CCDC34: variants seen among roughly 807,000 people sequenced by gnomAD.
CCDC34 encodes coiled-coil domain containing 34.
A neutral mutation model predicts 44.1 loss-of-function variants in CCDC34; 40 were observed. That is an observed-to-expected ratio of 0.91 (90% confidence interval 0.70 to 1.18). The LOEUF is 1.18. Among genes scored for constraint, CCDC34 ranks in the 50% most tolerant of loss-of-function variants. The probability of loss-of-function intolerance (pLI) is 0.00; values close to 1 mark genes in which losing one functional copy is unlikely to be tolerated. For synonymous variants in CCDC34, 159 were observed against 158.2 expected, an observed-to-expected ratio of 1.01 and a Z score of -0.04; for missense variants, 466 against 452.3, an observed-to-expected ratio of 1.03 and a Z score of -0.28.
intron 3 of CCDC34, among the ~76,000 whole-genome samples, chr11:27,347,814 G>C (rs2133342579): frequency 6.6e-6 from 1 of 152,084 alleles, no homozygotes; most frequent in South Asian, 2.1e-4. Flanking sequence ...TAATGGTGAT[G>C]GTTACATGGG....
chr11:27,345,080 G>T (rs1033626857), intron 3 of CCDC34, among the ~76,000 whole-genome samples: 1 of 152,238 alleles, frequency 6.6e-6, no homozygotes, highest in Non-Finnish European at 1.5e-5. Flanking sequence ...GCCAAAGGTA[G>T]TTTAATAGGG....
chr11:27,339,488 T>C (rs113130360), intron 5 of CCDC34, among the ~76,000 whole-genome samples: 372 of 152,300 alleles, frequency 2.4e-3, no homozygotes, highest in African/African-American at 8.7e-3. Context: ...TTGTTTAGAA[T>C]CACAGAAATT....
chr11:27,344,547 A>T (rs1407852035), intron 3 of CCDC34, among the ~76,000 whole-genome samples: 1 of 151,450 alleles, frequency 6.6e-6, no homozygotes, highest in Non-Finnish European at 1.5e-5. Context: ...GTAAATATAT[A>T]AAATATATAT....
chr11:27,355,865 T>C (rs1450522372), intron 2 of CCDC34, among the ~76,000 whole-genome samples: 1 of 152,160 alleles, frequency 6.6e-6, no homozygotes, highest in Non-Finnish European at 1.5e-5. Flanking sequence ...GCAGAATGTA[T>C]TAGTTTTCAT....
intron 2 of CCDC34, among the ~76,000 whole-genome samples, chr11:27,351,932 G>A (rs944558839): frequency 1.3e-5 from 2 of 152,142 alleles, no homozygotes; most frequent in African/African-American, 4.8e-5. Context: ...GACAGGCAAA[G>A]TAAAGTGAAC....
At chr11:27,342,750 A>G (rs1414019469) in intron 3 of CCDC34, among the ~76,000 whole-genome samples, 6 of 152,210 alleles carry the variant, frequency 3.9e-5, no homozygotes, top group Non-Finnish European at 7.3e-5. Context: ...AATATTCATT[A>G]ACTGGCCCTT....
rs746359107 is a variant in CCDC34, at chr11:27,350,411, TTTC to T, written c.524_526del (p.Arg175del). On this transcript the variant is annotated inframe_deletion, in exon 3 of 6. Transcript: ENST00000328697. ...TCTTTTTTCACGTTCTTCCATTTCT[TTTC>T]TTTTTTCTAGTTGTTGATTTAATTC... 3 of 1,609,180 alleles carry T rather than the reference TTTC, an allele frequency of 1.9e-6. No homozygotes were observed. The highest frequency in any genetic ancestry group is 2.5e-6 in the Non-Finnish European group (3 of 1,177,498).
At position 27,363,162 on chromosome 11, in the gene CCDC34, A is replaced by C. The variant is rs1376326645; in HGVS notation, c.33T>G (p.Phe11Leu). Reference sequence around the variant, plus strand: ...CAGAGAAACCGGCGTAGGAAGAGGGAAAAGTAGGCCCCCAGCGCCCCGCCG... The same window carrying C: ...CAGAGAAACCGGCGTAGGAAGAGGGCAAAGTAGGCCCCCAGCGCCCCGCCG... Reference protein sequence around the residue: MWAAGRWGPTFPSSYAGFSAD... With the variant: MWAAGRWGPTLPSSYAGFSAD... Residue 11 changes from phenylalanine to leucine, a missense_variant, in exon 1 of 6, where the codon TTT (phenylalanine) becomes TTG (leucine). Coordinates refer to ENST00000328697, the MANE Select transcript of CCDC34 (RefSeq NM_030771.2). 6 of 1,503,344 alleles carry C rather than the reference A, an allele frequency of 4.0e-6. No homozygotes were observed. Among genetic ancestry groups the C allele is most frequent in the Non-Finnish European group, 5.3e-6 (6 of 1,131,534 alleles). The allele number at this position is 1,503,344 out of a possible 1,614,324, so 93.1% of individuals were successfully genotyped here. A position where few individuals can be genotyped will look rare whatever the true frequency, so the allele number is the denominator to read the frequency against.
chr11:27,343,401 C>CAAAAAAAAAAA (rs34004808), intron 3 of CCDC34, among the ~76,000 whole-genome samples: 4 of 110,724 alleles, frequency 3.6e-5, no homozygotes, highest in African/African-American at 1.4e-4. Context: ...GACTCCGTCT[C>CAAAAAAAAAAA]AAAAAAAAAA....
In CCDC34 at chr11:27,350,392, T is replaced by G; in HGVS notation, c.546A>C (p.Glu182Asp). Reference protein sequence around the residue: ...LEKRKEMEEREKRKIIAEEKH... With the variant: ...LEKRKEMEERDKRKIIAEEKH... Reference sequence around the variant, plus strand: ...TTTCTTCAGCAATTATCTTTCTTTTTTCACGTTCTTCCATTTCTTTTCTTT... The same window carrying G: ...TTTCTTCAGCAATTATCTTTCTTTTGTCACGTTCTTCCATTTCTTTTCTTT... Residue 182 changes from glutamate to aspartate, a missense_variant, in exon 3 of 6, where the codon GAA (glutamate) becomes GAC (aspartate). By Grantham distance (45) the Glu-to-Asp change is conservative. Coordinates refer to ENST00000328697, the MANE Select transcript of CCDC34 (RefSeq NM_030771.2). 4 of 1,612,912 alleles carry G rather than the reference T, an allele frequency of 2.5e-6. No individual in the cohort carries two copies. Among genetic ancestry groups the G allele is most frequent in the Non-Finnish European group, 3.4e-6 (4 of 1,179,404 alleles).
At chr11:27,348,853 A>G (rs1265186784) in intron 3 of CCDC34, 7 of 951,424 alleles carry the variant, frequency 7.4e-6, no homozygotes, top group Non-Finnish European at 8.8e-6. Context: ...CATGAACAAG[A>G]GTTCTGCAGA....
intron 2 of CCDC34, among the ~76,000 whole-genome samples, chr11:27,351,022 C>T (rs55782197): frequency 1.4e-3 from 203 of 149,282 alleles, no homozygotes; most frequent in Non-Finnish European, 2.4e-3. Context: ...TGCTGTCACT[C>T]GAATCTACAC....
At chr11:27,352,730 C>A (rs979507129) in intron 2 of CCDC34, among the ~76,000 whole-genome samples, 5 of 151,972 alleles carry the variant, frequency 3.3e-5, no homozygotes, top group Non-Finnish European at 7.4e-5. Flanking sequence ...AAAAAAGAAA[C>A]CCTGTACTCC....
At chr11:27,348,254 A>G (rs1316861397) in intron 3 of CCDC34, among the ~76,000 whole-genome samples, 3 of 152,258 alleles carry the variant, frequency 2.0e-5, no homozygotes, top group Non-Finnish European at 2.9e-5. Context: ...TGTTGAAAGC[A>G]TGAATAATGC....
intron 1 of CCDC34, among the ~76,000 whole-genome samples, chr11:27,358,964 C>A (rs1188044175): frequency 8.7e-6 from 1 of 114,484 alleles, no homozygotes; most frequent in Non-Finnish European, 1.9e-5. Flanking sequence ...GTGGACCCCC[C>A]CCCCCCACCG....
At chr11:27,352,979 C>A (rs1336486264) in intron 2 of CCDC34, among the ~76,000 whole-genome samples, 1 of 152,194 alleles carries the variant, frequency 6.6e-6, no homozygotes, top group Non-Finnish European at 1.5e-5. Context: ...AAAGGCCAGT[C>A]TCCTTCAGGA....
chr11:27,339,147 A>G (rs1862318253), intron 5 of CCDC34, 112 bp from the exon 6 acceptor site: 1 of 722,328 alleles, frequency 1.4e-6, no homozygotes, highest in Non-Finnish European at 2.3e-6. Context: ...AATTATCACT[A>G]ATAAGCCAAT....
chr11:27,340,273 C>T (rs1862336564), intron 5 of CCDC34, among the ~76,000 whole-genome samples: 1 of 152,170 alleles, frequency 6.6e-6, no homozygotes. Context: ...GGTTTTGTGT[C>T]TGGTTCATGT....
At chr11:27,349,457 C>T in intron 3 of CCDC34, 2 of 830,482 alleles carry the variant, frequency 2.4e-6, no homozygotes, top group East Asian at 1.2e-4. Context: ...CTTATTAATA[C>T]CATTAGGCAT....
Sources: allele counts gnomAD v4.1 joint callset (sites outside exome capture counted in the v4.1 genomes callset), GRCh38; gene constraint gnomAD v4.1.1; transcripts MANE v1.5; gene names NCBI Gene and HGNC (gene_info 2026-07-23, HGNC 2026-07-21).